The following INTS2 variants were observed in gnomAD, a reference collection of about 807,000 sequenced individuals.
The protein encoded by INTS2 is KIAA1287.
A neutral mutation model predicts 139.6 loss-of-function variants in INTS2; 57 were observed. The observed-to-expected ratio is 0.41, with a 90% CI of 0.33 to 0.51. The LOEUF (loss-of-function observed/expected upper bound fraction) is 0.51, where lower values mean the gene tolerates loss of function less well. INTS2 is among the 20% of genes least tolerant of loss of function. INTS2 has a pLI of 0.28. For missense variants in INTS2, 1,196 were observed against 1,436.7 expected, an observed-to-expected ratio of 0.83 and a Z score of 2.71; for synonymous variants, 473 against 493.4, an observed-to-expected ratio of 0.96 and a Z score of 0.55.
Position 61,867,030 on chromosome 17 carries a change from A to G in INTS2, c.*527T>C, listed in dbSNP as rs2079051415. The stretch of plus-strand genomic sequence containing the variant: ...ACTCTTTCTTGAGAACTAGAATTCC[A>G]ACTTGCATTACTATTACTTGCACTG... On this transcript the variant is annotated 3_prime_UTR_variant, in exon 25 of 25. Transcript: ENST00000251334. This position sits in a 1 kb window ranked among gnomAD's most constrained non-coding sequence, Gnocchi z 5.6. 1 of 152,212 alleles carries G rather than the reference A, an allele frequency of 6.6e-6. No homozygotes were observed. Among genetic ancestry groups the G allele is most frequent in the Non-Finnish European group, 1.5e-5 (1 of 68,028 alleles). 9.4% of individuals were successfully genotyped at this position (152,212 alleles called of 1,614,324 possible).
At chr17:61,922,467 C>CAA (rs59644145) in intron 3 of INTS2, among the ~76,000 whole-genome samples, 4 of 42,002 alleles carry the variant, frequency 9.5e-5, no homozygotes, top group Non-Finnish European at 1.7e-4. Context: ...GACTCCGTCT[C>CAA]AAAAAAAAAA....
intron 7 of INTS2, 69 bp from the exon 8 acceptor site, chr17:61,907,703 C>T (rs1006070699): frequency 8.4e-6 from 10 of 1,189,128 alleles, no homozygotes; most frequent in Non-Finnish European, 1.2e-5. Context: ...GGAGCTAAAA[C>T]ATAGCACCCC....
chr17:61,895,334 T>C lies in INTS2; in HGVS notation c.1544A>G (p.Gln515Arg), dbSNP rs762783868. Residue 515 changes from glutamine to arginine, a missense_variant, in exon 12 of 25, where the codon CAG (glutamine) becomes CGG (arginine). This residue lies in a region of INTS2 where 1,129 missense variants were observed against 1,341.9 expected (regional missense o/e 0.84). Coordinates refer to ENST00000251334, the MANE Select transcript of INTS2 (RefSeq NM_001351695.2). ...AAATACCTGCTCAGTAAAAATTTCC[T>C]GTGTGAAGATTGTCTTCATCCTGCT... is the stretch of plus-strand genomic sequence containing the variant. ...SLSRMKTIFT[Q>R]EIFTEQVVTA... 2 of 1,580,568 alleles carry C rather than the reference T, an allele frequency of 1.3e-6. No individual in the cohort carries two copies. The highest frequency in any genetic ancestry group is 1.7e-6 in the Non-Finnish European group (2 of 1,167,688).
Position 61,869,669 on chromosome 17 carries a change from A to C in INTS2, c.3030+68T>G. 1 of 1,520,070 alleles carries C rather than the reference A, an allele frequency of 6.6e-7. No individual in the cohort carries two copies. Among genetic ancestry groups the C allele is most frequent in the Non-Finnish European group, 9.0e-7 (1 of 1,113,124 alleles). The allele number at this position is 1,520,070 out of a possible 1,614,324, so 94.2% of individuals were successfully genotyped here. ...CTCTGGTTTCTAAATGATCCCTGTT[A>C]ATATAGTATTCAAAGCCCCCAAGAA... On this transcript the variant is annotated intron_variant, in intron 21 of 24. Transcript: ENST00000251334. The surrounding 1 kb of genome is among the most constrained non-coding windows in gnomAD (Gnocchi z 5.4).
rs55751869 is a variant in INTS2, at chr17:61,901,577, C to CT, written c.1307+2882dup. 5.0e-3 allele frequency among the ~76,000 whole-genome samples: 248 copies of CT among 49,450 alleles called. 64 individuals carry two copies. Among genetic ancestry groups the CT allele is most frequent in the East Asian group, 0.015 (29 of 1,914 alleles). The allele number at this position is 49,450 out of a possible 152,430, so 32.4% of individuals were successfully genotyped here. ...CAAATCCTAAAAGGCAGAATGATTTCTTTTTTTTTTTTTTTTTTTTTTTTT... is the reference window on the plus strand; with the variant it reads ...CAAATCCTAAAAGGCAGAATGATTTCTTTTTTTTTTTTTTTTTTTTTTTTTT... On this transcript the variant is annotated intron_variant, in intron 9 of 24. Coordinates refer to ENST00000251334, the MANE Select transcript of INTS2 (RefSeq NM_001351695.2).
chr17:61,927,706 G>A lies in INTS2; in HGVS notation c.-71C>T, dbSNP rs747673203. On this transcript the variant is annotated 5_prime_UTR_variant, in exon 1 of 25. Coordinates refer to ENST00000251334, the MANE Select transcript of INTS2 (RefSeq NM_001351695.2). ...AACCGCACACGGACTCCGCGTCCTAGAGGCGGGACGCGGCAGAAATCGAGA... is the reference window on the plus strand; with the variant it reads ...AACCGCACACGGACTCCGCGTCCTAAAGGCGGGACGCGGCAGAAATCGAGA... The A allele has an allele frequency of 1.4e-6, 2 of 1,448,596 alleles. No individual in the cohort carries two copies. Among genetic ancestry groups the A allele is most frequent in the Admixed American group, 2.7e-5 (1 of 37,646 alleles). 89.7% of individuals were successfully genotyped at this position (1,448,596 alleles called of 1,614,324 possible).
chr17:61,905,318 A>G (rs1237762044), intron 8 of INTS2, among the ~76,000 whole-genome samples: 3 of 152,046 alleles, frequency 2.0e-5, no homozygotes, highest in African/African-American at 7.2e-5. Context: ...ATTGGGAATT[A>G]AACTGTTTTC....
chr17:61,913,074 T>A (rs945461084), intron 5 of INTS2, among the ~76,000 whole-genome samples: 8 of 151,208 alleles, frequency 5.3e-5, no homozygotes, highest in Admixed American at 3.3e-4. Context: ...AGACTCCATC[T>A]CCAAAAAAGA....
chr17:61,927,605 G>C, intron 1 of INTS2, 49 bp downstream of exon 1: 1 of 1,259,768 alleles, frequency 7.9e-7, no homozygotes, highest in Non-Finnish European at 1.0e-6. Flanking sequence ...GCCAGGCTCC[G>C]ACACGGACCT....
chr17:61,874,197 T>C (rs796189530), intron 19 of INTS2: 16 of 152,294 alleles, frequency 1.1e-4, no homozygotes, highest in African/African-American at 3.6e-4. Context: ...CTCCACTCTT[T>C]GAAACATTAC....
rs60100593 is a variant in INTS2, at chr17:61,922,511, CATATATATATATATATATATAT to C, written c.433-706_433-685del. 3.8e-4 allele frequency among the ~76,000 whole-genome samples: 28 copies of C among 73,208 alleles called. 2 individuals are homozygous for C. Among genetic ancestry groups the C allele is most frequent in the Middle Eastern group, 9.4e-3 (1 of 106 alleles). 48.0% of individuals were successfully genotyped at this position (73,208 alleles called of 152,430 possible). On this transcript the variant is annotated intron_variant, in intron 3 of 24. Transcript: ENST00000251334. ...AAAAAGAAAAAAGAAAACAAACAAA[CATATATATATATATATATATAT>C]ATATATATATATACGTGTTCAATTC...
rs2079183859 is a variant in INTS2, at chr17:61,882,166, C to T, written c.2090-995G>A. On this transcript the variant is annotated intron_variant, in intron 16 of 24. Coordinates refer to ENST00000251334, the MANE Select transcript of INTS2 (RefSeq NM_001351695.2). The surrounding 1 kb of genome is among the most constrained non-coding windows in gnomAD (Gnocchi z 4.7). ...TTCTCATCTCTCCCTAACATTCATA[C>T]AAAGTAAGCAATGCCTCCATTCTAC... Among the ~76,000 whole-genome samples, 1 of 152,146 alleles carries T rather than the reference C, an allele frequency of 6.6e-6. No homozygotes were observed.
In INTS2 at chr17:61,868,101, G is replaced by A; in HGVS notation, c.3245-92C>T. 9.4e-7 allele frequency: 1 copy of A among 1,058,470 alleles called. No homozygotes were observed. Among genetic ancestry groups the A allele is most frequent in the Non-Finnish European group, 1.3e-6 (1 of 764,774 alleles). The allele number at this position is 1,058,470 out of a possible 1,614,324, so 65.6% of individuals were successfully genotyped here. The stretch of plus-strand genomic sequence containing the variant: ...ACTAAGGGGAACTATGCTCTGTGCT[G>A]GAGATATGAAGTTCTCTAAACACAG... On this transcript the variant is annotated intron_variant, in intron 23 of 24. Transcript: ENST00000251334. The surrounding 1 kb of genome is among the most constrained non-coding windows in gnomAD (Gnocchi z 4.7).
intron 2 of INTS2, 72 bp from the exon 3 acceptor site, chr17:61,925,171 T>C (rs2079696648): frequency 7.3e-7 from 1 of 1,362,176 alleles, no homozygotes; most frequent in Non-Finnish European, 1.0e-6. Flanking sequence ...AATTATCTTT[T>C]ATTGAAATAA....
Position 61,872,963 on chromosome 17 carries a change from A to G in INTS2, c.2583-503T>C, listed in dbSNP as rs1162882590. Among the ~76,000 whole-genome samples, 1 of 152,216 alleles carries G rather than the reference A, an allele frequency of 6.6e-6. No homozygotes were observed. Among genetic ancestry groups the G allele is most frequent in the East Asian group, 1.9e-4 (1 of 5,202 alleles). On this transcript the variant is annotated intron_variant, in intron 19 of 24. Coordinates refer to ENST00000251334, the MANE Select transcript of INTS2 (RefSeq NM_001351695.2). This position sits in a 1 kb window ranked among gnomAD's most constrained non-coding sequence, Gnocchi z 4.8. ...ATTATATCAAATAGTGCAGGAAAGTATATACTATCAAACACTGCTATGGAA... is the reference window on the plus strand; with the variant it reads ...ATTATATCAAATAGTGCAGGAAAGTGTATACTATCAAACACTGCTATGGAA...
chr17:61,885,800 C>T (rs1239592934), intron 15 of INTS2, among the ~76,000 whole-genome samples: 3 of 143,630 alleles, frequency 2.1e-5, no homozygotes, highest in South Asian at 4.4e-4. Context: ...GCGATCTTGG[C>T]TCACTGCAAA....
rs147041510 is a variant in INTS2 at position 61,904,225 on chromosome 17, G to T, written c.1307+235C>A. Among the ~76,000 whole-genome samples, 321 of 152,158 alleles carry T rather than the reference G, an allele frequency of 2.1e-3. 1 individual carries two copies. The highest frequency in any genetic ancestry group is 6.8e-3 in the African/African-American group (281 of 41,524). ...GGCTGAGTCAGGAGGATTATTTGAG[G>T]CCAGGAGTTCAAGGCTGCACTGTGC... On this transcript the variant is annotated intron_variant, in intron 9 of 24. Transcript: ENST00000251334.
Position 61,876,942 on chromosome 17 carries a change from G to A in INTS2, c.2456+945C>T, listed in dbSNP as rs1486050683. Among the ~76,000 whole-genome samples the A allele has an allele frequency of 6.6e-6, 1 of 152,198 alleles. No homozygotes were observed. The highest frequency in any genetic ancestry group is 1.5e-5 in the Non-Finnish European group (1 of 68,030). On this transcript the variant is annotated intron_variant, in intron 18 of 24. Transcript: ENST00000251334. This position sits in a 1 kb window ranked among gnomAD's most constrained non-coding sequence, Gnocchi z 4.1. ...AGGGCACTTGCATAAGAATGAAATT[G>A]TAATTAAAGGATTATCACATAGCTC...
intron 3 of INTS2, among the ~76,000 whole-genome samples, chr17:61,923,402 G>A (rs943507246): frequency 3.4e-5 from 5 of 148,642 alleles, no homozygotes; most frequent in Admixed American, 6.7e-5. Flanking sequence ...GTGTGAACCC[G>A]GGAGGCGGAG....
Sources: gnomAD v4.1 joint callset for allele counts (sites outside exome capture counted in the v4.1 genomes callset) on GRCh38, gnomAD v4.1.1 for gene constraint, gnomAD v4.1.1 regional missense constraint, Gnocchi (gnomAD v3.1) non-coding constraint, MANE v1.5 for transcripts, NCBI Gene and HGNC (gene_info 2026-07-23, HGNC 2026-07-21) for gene names.